TMA7: variants seen among roughly 807,000 people sequenced by gnomAD.
The protein encoded by TMA7 is translation machinery associated 7 homolog.
Under a neutral mutation model 12.5 loss-of-function variants are expected in TMA7, and 5 were observed. The ratio of observed to expected loss-of-function variants is 0.40; its 90% CI spans 0.21 to 0.84. The LOEUF (loss-of-function observed/expected upper bound fraction) is 0.84, where lower values mean the gene tolerates loss of function less well. Ranked by LOEUF, TMA7 falls within the 40% of genes least tolerant of loss-of-function variation. The pLI, the probability that TMA7 is intolerant of heterozygous loss-of-function variation, is 0.36. For missense variants in TMA7, 71 were observed against 75.4 expected (o/e 0.94, Z 0.22); for synonymous variants, 36 against 28.1 (o/e 1.28, Z -0.89).
chr3:48,442,103 G>A (rs1418100648), intron 3 of TMA7, among the ~76,000 whole-genome samples: 1 of 152,114 alleles, frequency 6.6e-6, no homozygotes, highest in Admixed American at 6.5e-5. Flanking sequence ...GTGGCGGCCC[G>A]TTTCCTGTAA....
chr3:48,440,513 G>C, intron 2 of TMA7, 28 bp from the exon 3 acceptor site: 1 of 1,607,114 alleles, frequency 6.2e-7, no homozygotes, highest in Non-Finnish European at 8.5e-7. Context: ...AGACAGGCCT[G>C]AGTTGAACAC....
intron 2 of TMA7, 37 bp downstream of exon 2, chr3:48,440,495 G>A (rs758756929): frequency 8.1e-6 from 13 of 1,604,238 alleles, no homozygotes; most frequent in Admixed American, 6.9e-5. Context: ...GGGTGCGGGG[G>A]CGCTGGGAGA....
In TMA7 at chr3:48,440,823, T is replaced by C. The variant is rs1369091493; in HGVS notation, c.160+195T>C. On this transcript the variant is annotated intron_variant, in intron 3 of 3. Transcript: ENST00000438607. The stretch of plus-strand genomic sequence containing the variant: ...GCCGGGAGCTGGAAACGAGGTCTCC[T>C]GCCTCCCAGGCAGTCTGGGCTTCCA... 2.3e-5 allele frequency: 14 copies of C among 612,488 alleles called. No homozygotes were observed. In the East Asian group the frequency reaches 3.3e-4, roughly 15 times the overall value. 37.9% of individuals were successfully genotyped at this position (612,488 alleles called of 1,614,324 possible).
chr3:48,441,468 C>G (rs1338358325), intron 3 of TMA7, among the ~76,000 whole-genome samples: 2 of 148,506 alleles, frequency 1.3e-5, no homozygotes, highest in Non-Finnish European at 1.5e-5. Flanking sequence ...CAAGCGTGAG[C>G]CACAGCACCT....
rs767698039 is a variant in TMA7, at chr3:48,440,290, A to G, written c.-7A>G. 8.1e-6 allele frequency: 13 copies of G among 1,603,512 alleles called. No homozygotes were observed. The highest frequency in any genetic ancestry group is 5.0e-5 in the Admixed American group (3 of 59,458). On this transcript the variant is annotated 5_prime_UTR_variant, in exon 1 of 4. Transcript: ENST00000438607. ...TGGCAGGGTCTGGGGAAGCGGCGGC[A>G]GGCGCCATGTCCGGCCGCGAAGGTA...
intron 3 of TMA7, chr3:48,440,838 C>T (rs1448411625): frequency 5.0e-6 from 3 of 600,330 alleles, no homozygotes; most frequent in Non-Finnish European, 8.9e-6. Flanking sequence ...CCCAGGCAGT[C>T]TGGGCTTCCA....
intron 3 of TMA7, among the ~76,000 whole-genome samples, chr3:48,443,318 C>T (rs996510868): frequency 6.7e-6 from 1 of 149,380 alleles, no homozygotes; most frequent in Admixed American, 6.7e-5. Context: ...GAATCTGAGG[C>T]AGGCAGATCA....
chr3:48,440,901 C>T (rs1268406453), intron 3 of TMA7: 2 of 527,800 alleles, frequency 3.8e-6, no homozygotes, highest in Non-Finnish European at 6.7e-6. Context: ...TTACCTCAGA[C>T]GCAGATTCAC....
intron 3 of TMA7, among the ~76,000 whole-genome samples, chr3:48,441,416 C>A (rs904677461): frequency 2.0e-5 from 3 of 151,708 alleles, no homozygotes; most frequent in South Asian, 2.1e-4. Flanking sequence ...CTCCTGACTT[C>A]AAGTGATTCA....
chr3:48,442,755 C>T (rs1331531684), intron 3 of TMA7, among the ~76,000 whole-genome samples: 11 of 152,100 alleles, frequency 7.2e-5, no homozygotes, highest in Admixed American at 7.2e-4. Context: ...TGGCCCAATC[C>T]TATGCTGTTT....
At chr3:48,440,782 T>G (rs1169424027) in intron 3 of TMA7, 154 bp downstream of exon 3, 1 of 704,138 alleles carries the variant, frequency 1.4e-6, no homozygotes, top group African/African-American at 1.8e-5. Context: ...GTCTAGGATT[T>G]GCAGCGGCAG....
chr3:48,440,874 G>C (rs2039544919), intron 3 of TMA7: 1 of 577,254 alleles, frequency 1.7e-6, no homozygotes, highest in Admixed American at 3.2e-5. Flanking sequence ...TGCAGAAACG[G>C]AAACAGTGAA....
chr3:48,441,551 T>A (rs562168033), intron 3 of TMA7, among the ~76,000 whole-genome samples: 3 of 152,280 alleles, frequency 2.0e-5, no homozygotes, highest in African/African-American at 7.2e-5. Flanking sequence ...CTGAGTCTTT[T>A]TACTTCTGGG....
At position 48,444,045 on chromosome 3, in the gene TMA7, T is replaced by TA. The variant is rs2039624241; in HGVS notation, c.*164dup. The TA allele has an allele frequency of 2.1e-6, 1 of 472,260 alleles. No homozygotes were observed. Among genetic ancestry groups the TA allele is most frequent in the Non-Finnish European group, 3.5e-6 (1 of 281,918 alleles). The allele number at this position is 472,260 out of a possible 1,614,324, so 29.3% of individuals were successfully genotyped here. Reference sequence around the variant, plus strand: ...AACTTTTGTAAAAAAAGAAAAATCTTACAGTGGCTCATCATCTCTTTAGTT... The same window carrying TA: ...AACTTTTGTAAAAAAAGAAAAATCTTAACAGTGGCTCATCATCTCTTTAGTT... On this transcript the variant is annotated 3_prime_UTR_variant, in exon 4 of 4. Transcript: ENST00000438607.
chr3:48,441,220 AT>A (rs1425154257), intron 3 of TMA7, among the ~76,000 whole-genome samples: 4 of 150,706 alleles, frequency 2.7e-5, no homozygotes, highest in African/African-American at 9.8e-5. Flanking sequence ...TAATTTTTGT[AT>A]TTTTAGTAGA....
chr3:48,442,677 C>G (rs2039597684), intron 3 of TMA7, among the ~76,000 whole-genome samples: 1 of 151,966 alleles, frequency 6.6e-6, no homozygotes, highest in South Asian at 2.1e-4. Flanking sequence ...GTCTCGATCT[C>G]CTGACCTCGT....
chr3:48,441,847 A>T (rs1171915420), intron 3 of TMA7, among the ~76,000 whole-genome samples: 1 of 152,206 alleles, frequency 6.6e-6, no homozygotes, highest in Non-Finnish European at 1.5e-5. Context: ...AGTGTCATCT[A>T]GGGCTTCCCA....
intron 3 of TMA7, among the ~76,000 whole-genome samples, chr3:48,442,974 T>C (rs1442886376): frequency 6.6e-6 from 1 of 151,420 alleles, no homozygotes; most frequent in Admixed American, 6.6e-5. Context: ...GCATGGTGGC[T>C]CAAGACTGTA....
chr3:48,440,872 CG>C, intron 3 of TMA7: 1 of 577,404 alleles, frequency 1.7e-6, no homozygotes, highest in Non-Finnish European at 3.1e-6. Context: ...GCTGCAGAAA[CG>C]GAAACAGTGA....
Sources: allele counts gnomAD v4.1 joint callset (sites outside exome capture counted in the v4.1 genomes callset), GRCh38; gene constraint gnomAD v4.1.1; transcripts MANE v1.5; gene names NCBI Gene and HGNC (gene_info 2026-07-23, HGNC 2026-07-21).